The following NTNG1 variants were observed in gnomAD, a reference collection of about 807,000 sequenced individuals.
The protein encoded by NTNG1 is netrin G1.
Under a neutral mutation model 54.0 loss-of-function variants are expected in NTNG1, and 16 were observed. The observed-to-expected ratio is 0.30, with a 90% CI of 0.20 to 0.45. The LOEUF (loss-of-function observed/expected upper bound fraction) is 0.45, where lower values mean the gene tolerates loss of function less well. Among genes scored for constraint, NTNG1 ranks in the 20% least tolerant of loss-of-function variants. The pLI, the probability that NTNG1 is intolerant of heterozygous loss-of-function variation, is 1.00. For synonymous variants in NTNG1, 255 were observed against 263.1 expected, an observed-to-expected ratio of 0.97 and a Z score of 0.30; for missense variants, 530 against 678.7, an observed-to-expected ratio of 0.78 and a Z score of 2.43.
rs142686945 is a variant in NTNG1 at position 107,148,796 on chromosome 1, C to T, written c.203C>T (p.Pro68Leu). 1.2e-4 allele frequency: 189 copies of T among 1,613,606 alleles called. No individual in the cohort carries two copies. The highest frequency in any genetic ancestry group is 1.7e-4 in the Middle Eastern group (1 of 6,060). Reference sequence around the variant, plus strand: ...TATCTGAAAGTGAAACTCGATCCTCCGGATATTACCTGTGGAGACCCTCCT... The same window carrying T: ...TATCTGAAAGTGAAACTCGATCCTCTGGATATTACCTGTGGAGACCCTCCT... Reference protein sequence around the residue: ...TKYLKVKLDPPDITCGDPPET... With the variant: ...TKYLKVKLDPLDITCGDPPET... The change falls in exon 2 of 8, where the codon CCG (proline) becomes CTG (leucine). Residue 68 changes from proline to leucine, a missense_variant. This residue lies in a region of NTNG1 where 318 missense variants were observed against 465.1 expected (regional missense o/e 0.68). Transcript: ENST00000370068.
chr1:107,406,506 A>G (rs1307053907), intron 4 of NTNG1, among the ~76,000 whole-genome samples: 1 of 152,152 alleles, frequency 6.6e-6, no homozygotes, highest in Non-Finnish European at 1.5e-5. Context: ...GAAACAGTGC[A>G]AAGAAGCTAG....
chr1:107,175,398 T>C (rs552233328), intron 2 of NTNG1, among the ~76,000 whole-genome samples: 1 of 152,218 alleles, frequency 6.6e-6, no homozygotes, highest in South Asian at 2.1e-4. Flanking sequence ...ATAGGATAAA[T>C]TGTTTGTTTC....
intron 4 of NTNG1, among the ~76,000 whole-genome samples, chr1:107,402,364 C>A (rs1251632743): frequency 6.6e-6 from 1 of 152,176 alleles, no homozygotes; most frequent in East Asian, 1.9e-4. Context: ...CGGGTTACCA[C>A]TCCCGCTCTT....
At chr1:107,268,485 TA>T (rs61654509) in intron 2 of NTNG1, among the ~76,000 whole-genome samples, 307 of 26,370 alleles carry the variant, frequency 0.012, 3 homozygotes, top group African/African-American at 0.021. Flanking sequence ...TCTCTCATCA[TA>T]TTTTTTTTTT....
At chr1:107,169,811 G>A (rs570997189) in intron 2 of NTNG1, among the ~76,000 whole-genome samples, 1 of 152,270 alleles carries the variant, frequency 6.6e-6, no homozygotes, top group South Asian at 2.1e-4. Context: ...AGTAGGAGAT[G>A]TACATTAAGA....
intron 2 of NTNG1, among the ~76,000 whole-genome samples, chr1:107,239,269 A>G (rs1661646052): frequency 6.6e-6 from 1 of 152,252 alleles, no homozygotes; most frequent in Non-Finnish European, 1.5e-5. Context: ...CTGATTTAGA[A>G]AATTTAATGA....
intron 2 of NTNG1, among the ~76,000 whole-genome samples, chr1:107,308,321 T>C (rs567061127): frequency 6.6e-6 from 1 of 152,330 alleles, no homozygotes; most frequent in South Asian, 2.1e-4. Flanking sequence ...CTTGAGTTGA[T>C]TTTTGTGTAT....
chr1:107,266,985 A>C (rs1389003568), intron 2 of NTNG1, among the ~76,000 whole-genome samples: 1 of 152,216 alleles, frequency 6.6e-6, no homozygotes, highest in Non-Finnish European at 1.5e-5. Flanking sequence ...GGTCAGAGTT[A>C]AAGGTGTATG....
At chr1:107,406,546 G>A (rs551420777) in intron 4 of NTNG1, among the ~76,000 whole-genome samples, 4 of 152,010 alleles carry the variant, frequency 2.6e-5, no homozygotes, top group Admixed American at 6.6e-5. Context: ...CCAGCAAGGC[G>A]GTATAAAGCA....
At chr1:107,306,666 G>A (rs532564349) in intron 2 of NTNG1, among the ~76,000 whole-genome samples, 20 of 151,930 alleles carry the variant, frequency 1.3e-4, no homozygotes, top group African/African-American at 4.4e-4. Flanking sequence ...CCGGAGAATC[G>A]CTTGAACCTG....
chr1:107,309,836 GT>G (rs1270540781), intron 2 of NTNG1, among the ~76,000 whole-genome samples: 2 of 152,076 alleles, frequency 1.3e-5, no homozygotes, highest in African/African-American at 4.8e-5. Flanking sequence ...TCAACTTCTT[GT>G]TTTATATTTA....
intron 2 of NTNG1, among the ~76,000 whole-genome samples, chr1:107,158,981 G>A (rs1221601719): frequency 6.6e-6 from 1 of 152,112 alleles, no homozygotes; most frequent in African/African-American, 2.4e-5. Context: ...ATACTAAAGG[G>A]CCTCAATCTT....
intron 2 of NTNG1, among the ~76,000 whole-genome samples, chr1:107,280,591 A>T (rs1664784247): frequency 6.9e-6 from 1 of 144,822 alleles, no homozygotes; most frequent in African/African-American, 2.5e-5. Context: ...AAGGTTTGGG[A>T]AGTTGGCATG....
intron 7 of NTNG1, among the ~76,000 whole-genome samples, chr1:107,449,255 C>T (rs1329808951): frequency 6.6e-6 from 1 of 151,832 alleles, no homozygotes. Context: ...GGGGACATCT[C>T]GGTGACTATA....
chr1:107,269,826 G>T (rs1475918515), intron 2 of NTNG1, among the ~76,000 whole-genome samples: 1 of 152,040 alleles, frequency 6.6e-6, no homozygotes, highest in African/African-American at 2.4e-5. Context: ...TTCTTTTCAC[G>T]TTCAGACTTC....
intron 3 of NTNG1, among the ~76,000 whole-genome samples, chr1:107,353,917 C>T (rs1465226958): frequency 6.6e-6 from 1 of 152,102 alleles, no homozygotes; most frequent in Non-Finnish European, 1.5e-5. Context: ...TAGAGAGGTG[C>T]CATGCACTTT....
At chr1:107,246,509 GAAA>G (rs954647656) in intron 2 of NTNG1, among the ~76,000 whole-genome samples, 3 of 151,970 alleles carry the variant, frequency 2.0e-5, no homozygotes, top group African/African-American at 7.2e-5. Flanking sequence ...TTACAATGGG[GAAA>G]TACCTTTAAA....
At chr1:107,438,109 G>A (rs1675726592) in intron 7 of NTNG1, among the ~76,000 whole-genome samples, 3 of 101,086 alleles carry the variant, frequency 3.0e-5, no homozygotes, top group Admixed American at 2.0e-4. Context: ...ATTATAGAAT[G>A]TTCTATCTGT....
rs575860324 is a variant in NTNG1, at chr1:107,250,429, AG to A, written c.247-73852del. 2.2e-3 allele frequency among the ~76,000 whole-genome samples: 337 copies of A among 152,276 alleles called. 2 individuals are homozygous for A. Among genetic ancestry groups the A allele is most frequent in the African/African-American group, 7.4e-3 (306 of 41,552 alleles). On this transcript the variant is annotated intron_variant, in intron 2 of 7. Coordinates refer to ENST00000370068, the MANE Select transcript of NTNG1 (RefSeq NM_001113226.3). ...AGGGCAGCCTTCAGGAATGCTCTCA[AG>A]AAAGACAGCTGTGAAAACATGTGGT...
Sources: allele counts gnomAD v4.1 joint callset (sites outside exome capture counted in the v4.1 genomes callset), GRCh38; gene constraint gnomAD v4.1.1; regional missense constraint gnomAD v4.1.1; transcripts MANE v1.5; gene names NCBI Gene and HGNC (gene_info 2026-07-23, HGNC 2026-07-21).